The following HMCN2 variants were observed in gnomAD, a reference collection of about 807,000 sequenced individuals.
HMCN2 encodes hemicentin 2.
A neutral mutation model predicts 377.5 loss-of-function variants in HMCN2; 325 were observed. That is an observed-to-expected ratio of 0.86 (90% CI 0.79 to 0.94). The LOEUF (loss-of-function observed/expected upper bound fraction) is 0.94. HMCN2 is among the 40% of genes least tolerant of loss of function. HMCN2 has a pLI of 0.00. For missense variants in HMCN2, 4,543 were observed against 4,725.3 expected (o/e 0.96, Z 1.13); for synonymous variants, 2,007 against 2,046.8 (o/e 0.98, Z 0.53).
chr9:130,420,761 C>T (rs751679941), intron 86 of HMCN2, among the ~76,000 whole-genome samples: 24 of 152,006 alleles, frequency 1.6e-4, no homozygotes, highest in African/African-American at 2.4e-4. Flanking sequence ...ATTAGGCCTG[C>T]CCTAATGACC....
intron 8 of HMCN2, among the ~76,000 whole-genome samples, chr9:130,299,912 C>A (rs921703807): frequency 6.7e-6 from 1 of 149,232 alleles, no homozygotes; most frequent in Non-Finnish European, 1.5e-5. Flanking sequence ...TTCATGCACT[C>A]ATCCACCCAC....
rs782038108 is a variant in HMCN2 at position 130,299,069 on chromosome 9, C to T, written c.1057C>T (p.Pro353Ser). The T allele has an allele frequency of 3.0e-5, 14 of 470,944 alleles. No homozygotes were observed. The highest frequency in any genetic ancestry group is 6.2e-5 in the Non-Finnish European group (14 of 226,996). 29.2% of individuals were successfully genotyped at this position (470,944 alleles called of 1,614,324 possible). The change falls in exon 8 of 98, where the codon CCC (proline) becomes TCC (serine). Residue 353 changes from proline to serine, a missense_variant. This residue lies in a region of HMCN2 where 547 missense variants were observed against 189.9 expected (regional missense o/e 2.88). Transcript: ENST00000683500. Reference protein sequence around the residue: ...LVINSTGLKAPGRLDSVELAQ... With the variant: ...LVINSTGLKASGRLDSVELAQ... Reference sequence around the variant, plus strand: ...GATCAATTCCACGGGCCTGAAGGCACCCGGCCGCCTAGACTCGGTGGAGCT... The same window carrying T: ...GATCAATTCCACGGGCCTGAAGGCATCCGGCCGCCTAGACTCGGTGGAGCT...
rs549834174 is a variant in HMCN2 at position 130,422,448 on chromosome 9, T to C, written c.13232-129T>C. On this transcript the variant is annotated intron_variant, in intron 86 of 97. Coordinates refer to ENST00000683500, the MANE Select transcript of HMCN2 (RefSeq NM_001291815.2). This position sits in a 1 kb window ranked among gnomAD's most constrained non-coding sequence, Gnocchi z 4.2. ...TCCATGACCCCTTAGCTGTGTGTCC[T>C]TGGACAAGTGGAGGTGAACTCTCCG... The C allele has an allele frequency of 1.6e-6, 1 of 635,190 alleles. No homozygotes were observed. The highest frequency in any genetic ancestry group is 3.4e-5 in the East Asian group (1 of 29,008). The allele number at this position is 635,190 out of a possible 1,614,324, so 39.3% of individuals were successfully genotyped here. A position where few individuals can be genotyped will look rare whatever the true frequency, so the allele number is the denominator to read the frequency against.
At chr9:130,398,363 G>T (rs1301760451) in intron 74 of HMCN2, among the ~76,000 whole-genome samples, 188 bp from the exon 75 acceptor site, 5 of 152,082 alleles carry the variant, frequency 3.3e-5, no homozygotes, top group Non-Finnish European at 7.4e-5. Flanking sequence ...CAGGCTCAGG[G>T]ATGGGGAAAG....
Position 130,277,991 on chromosome 9 carries a change from TCATCACCACCACCAC to T in HMCN2, c.260-6606_260-6592del, listed in dbSNP as rs1564740169. Among the ~76,000 whole-genome samples, 129 of 44,478 alleles carry T rather than the reference TCATCACCACCACCAC, an allele frequency of 2.9e-3. 19 individuals are homozygous for T. The highest frequency in any genetic ancestry group is 2.5e-3 in the African/African-American group (14 of 5,564). The allele number at this position is 44,478 out of a possible 152,430, so 29.2% of individuals were successfully genotyped here. A position where few individuals can be genotyped will look rare whatever the true frequency, so the allele number is the denominator to read the frequency against. ...ACCATCATCATCACCACCACCACGA[TCATCACCACCACCAC>T]CATCATCATCACCACCACCACGATC... is the stretch of plus-strand genomic sequence containing the variant. On this transcript the variant is annotated intron_variant, in intron 1 of 97. Coordinates refer to ENST00000683500, the MANE Select transcript of HMCN2 (RefSeq NM_001291815.2).
intron 26 of HMCN2, 130 bp from the exon 27 acceptor site, chr9:130,348,414 TG>T: frequency 8.3e-7 from 1 of 1,211,718 alleles, no homozygotes; most frequent in South Asian, 1.4e-5. Flanking sequence ...CCTTTGTGGC[TG>T]GGCGGACGGG....
chr9:130,318,822 T>C (rs1193705568), intron 15 of HMCN2, among the ~76,000 whole-genome samples: 1 of 152,230 alleles, frequency 6.6e-6, no homozygotes, highest in African/African-American at 2.4e-5. Flanking sequence ...AAGTTTTAAT[T>C]CTGTCTGCTC....
intron 77 of HMCN2, among the ~76,000 whole-genome samples, chr9:130,402,455 T>A (rs986499567): frequency 3.3e-5 from 5 of 152,178 alleles, no homozygotes; most frequent in African/African-American, 1.2e-4. Context: ...GATGTGGAAC[T>A]GTGAGTGGGG....
Position 130,423,416 on chromosome 9 carries a change from G to A in HMCN2, c.13381+690G>A, listed in dbSNP as rs1844130754. Among the ~76,000 whole-genome samples the A allele has an allele frequency of 6.6e-6, 1 of 152,206 alleles. No individual in the cohort carries two copies. Among genetic ancestry groups the A allele is most frequent in the Non-Finnish European group, 1.5e-5 (1 of 68,034 alleles). The stretch of plus-strand genomic sequence containing the variant: ...CCCGCATGAGCAGTGTGGGGTCAGG[G>A]GATTTTGCTGGGGAAGTCACTCTGA... On this transcript the variant is annotated intron_variant, in intron 87 of 97. Coordinates refer to ENST00000683500, the MANE Select transcript of HMCN2 (RefSeq NM_001291815.2). The surrounding 1 kb of genome is among the most constrained non-coding windows in gnomAD (Gnocchi z 5.5).
intron 25 of HMCN2, 41 bp downstream of exon 25, chr9:130,342,477 GC>G (rs1212220780): frequency 6.6e-6 from 1 of 152,208 alleles, no homozygotes; most frequent in Non-Finnish European, 1.5e-5. Flanking sequence ...GGTGGGGTGG[GC>G]TGGCTTGGGA....
chr9:130,310,960 A>G (rs879164261), intron 15 of HMCN2, among the ~76,000 whole-genome samples: 14,344 of 152,206 alleles, frequency 0.094, 811 homozygotes, highest in Non-Finnish European at 0.12. Flanking sequence ...TGCTTAGTAA[A>G]TGCGGGGAGA....
chr9:130,384,922 G>T (rs776928205), intron 59 of HMCN2, 124 bp downstream of exon 59: 7 of 537,462 alleles, frequency 1.3e-5, no homozygotes, highest in Non-Finnish European at 2.2e-5. Context: ...TGGGACGCCC[G>T]CACAGATCAG....
Position 130,361,955 on chromosome 9 carries a change from T to C in HMCN2, c.5951-53T>C, listed in dbSNP as rs1840408505. 3.1e-6 allele frequency: 3 copies of C among 982,632 alleles called. No homozygotes were observed. Among genetic ancestry groups the C allele is most frequent in the Non-Finnish European group, 3.6e-6 (3 of 827,066 alleles). The allele number at this position is 982,632 out of a possible 1,614,324, so 60.9% of individuals were successfully genotyped here. ...GGGGTGCCCAGCCAGGGGCCCTGCC[T>C]GCTTTGCCCCAGTGGGGCTCAGCCT... On this transcript the variant is annotated intron_variant, in intron 38 of 97. Coordinates refer to ENST00000683500, the MANE Select transcript of HMCN2 (RefSeq NM_001291815.2). The surrounding 1 kb of genome is among the most constrained non-coding windows in gnomAD (Gnocchi z 4.8).
rs964105586 is a variant in HMCN2, at chr9:130,340,144, G to A, written c.3488-967G>A. ...CATCACTTGCCATGTAGGAAGGACC[G>A]AGTGAGATGGAGGATGAGAAAGTGA... is the stretch of plus-strand genomic sequence containing the variant. On this transcript the variant is annotated intron_variant, in intron 23 of 97. Coordinates refer to ENST00000683500, the MANE Select transcript of HMCN2 (RefSeq NM_001291815.2). Among the ~76,000 whole-genome samples, 42 of 152,350 alleles carry A rather than the reference G, an allele frequency of 2.8e-4. No homozygotes were observed. The South Asian group carries it at 8.5e-3, about 31-fold the overall frequency.
chr9:130,285,530 C>A (rs1835373562), intron 3 of HMCN2, among the ~76,000 whole-genome samples: 1 of 152,228 alleles, frequency 6.6e-6, no homozygotes, highest in South Asian at 2.1e-4. Context: ...AGGCCCAGGC[C>A]AGGGCTCACA....
chr9:130,424,006 T>TTC (rs1844170405), intron 87 of HMCN2, among the ~76,000 whole-genome samples: 1 of 151,798 alleles, frequency 6.6e-6, no homozygotes, highest in South Asian at 2.1e-4. Context: ...TTGAGACTGC[T>TTC]TCTCGCTTTG....
chr9:130,405,766 C>T (rs921107833), intron 81 of HMCN2, among the ~76,000 whole-genome samples, 189 bp from the exon 82 acceptor site: 3 of 152,142 alleles, frequency 2.0e-5, no homozygotes, highest in Non-Finnish European at 4.4e-5. Flanking sequence ...AGCAGTAGAG[C>T]ATGTGAATGC....
At chr9:130,386,351 T>G (rs377100081) in intron 60 of HMCN2, 92 bp from the exon 61 acceptor site, 2 of 698,056 alleles carry the variant, frequency 2.9e-6, no homozygotes, top group East Asian at 1.4e-4. Context: ...GCCCCTGCTC[T>G]GGAAGTTTTG....
chr9:130,377,331 T>C (rs552789975), intron 52 of HMCN2, among the ~76,000 whole-genome samples: 3 of 152,248 alleles, frequency 2.0e-5, no homozygotes, highest in African/African-American at 7.2e-5. Flanking sequence ...GCCAGGCCGA[T>C]CTCAAACTCC....
Sources: allele counts gnomAD v4.1 joint callset (sites outside exome capture counted in the v4.1 genomes callset), GRCh38; gene constraint gnomAD v4.1.1; regional missense constraint gnomAD v4.1.1; non-coding constraint Gnocchi (gnomAD v3.1); transcripts MANE v1.5; gene names NCBI Gene and HGNC (gene_info 2026-07-23, HGNC 2026-07-21).